BCO2: variants seen among roughly 807,000 people sequenced by gnomAD.
BCO2 encodes carotenoid-cleaving dioxygenase, mitochondrial.
Under a neutral mutation model 65.8 loss-of-function variants are expected in BCO2, and 56 were observed. That is an observed-to-expected ratio of 0.85 (90% CI 0.69 to 1.06). The LOEUF is 1.06. BCO2 is among the 50% of genes least tolerant of loss of function. The pLI, the probability that BCO2 is intolerant of heterozygous loss-of-function variation, is 0.00. For missense variants in BCO2, 675 were observed against 698.5 expected, an observed-to-expected ratio of 0.97 and a Z score of 0.38; for synonymous variants, 233 against 242.3, an observed-to-expected ratio of 0.96 and a Z score of 0.36.
At chr11:112,200,935 A>G (rs527311463) in intron 7 of BCO2, among the ~76,000 whole-genome samples, 162 bp downstream of exon 7, 22 of 152,266 alleles carry the variant, frequency 1.4e-4, no homozygotes, top group African/African-American at 5.1e-4. Flanking sequence ...CTTATTAATT[A>G]GTACGATGGA....
rs764944224 is a variant in BCO2, at chr11:112,200,601, G to A, written c.866-12G>A. 3.1e-6 allele frequency: 5 copies of A among 1,590,924 alleles called. No individual in the cohort carries two copies. The highest frequency in any genetic ancestry group is 4.3e-6 in the Non-Finnish European group (5 of 1,171,688). The stretch of plus-strand genomic sequence containing the variant: ...CCAAATAACATTTTTATTGTTTGCT[G>A]GAACCTTTTAGGAATGACAAGGAAC... On this transcript the variant is annotated splice_polypyrimidine_tract_variant and intron_variant, in intron 6 of 11. Transcript: ENST00000357685.
chr11:112,214,307 C>T (rs188159104), intron 9 of BCO2, among the ~76,000 whole-genome samples: 71 of 152,176 alleles, frequency 4.7e-4, no homozygotes, highest in East Asian at 3.9e-4. Flanking sequence ...TCACCACGCC[C>T]GGCTAATGTA....
chr11:112,214,635 T>C, intron 9 of BCO2, 127 bp from the exon 10 acceptor site: 1 of 662,520 alleles, frequency 1.5e-6, no homozygotes, highest in Non-Finnish European at 2.5e-6. Context: ...TATTAAAACA[T>C]GACATAGAAC....
In BCO2 at chr11:112,188,959, A is replaced by T. The variant is rs554419257; in HGVS notation, c.294-4515A>T. 5.3e-5 allele frequency among the ~76,000 whole-genome samples: 8 copies of T among 152,298 alleles called. No homozygotes were observed. The South Asian group carries it at 1.4e-3, about 28-fold the overall frequency. ...AGGTGAAATATATTAAGTAGCAAAA[A>T]TTCTTGAAATTATTGTAAGTTTTTT... On this transcript the variant is annotated intron_variant, in intron 2 of 11. Coordinates refer to ENST00000357685, the MANE Select transcript of BCO2 (RefSeq NM_031938.7).
chr11:112,208,555 T>C lies in BCO2; in HGVS notation c.1195-5169T>C, dbSNP rs1010706893. 3.3e-5 allele frequency: 6 copies of C among 179,196 alleles called. No individual in the cohort carries two copies. In the East Asian group the frequency reaches 1.0e-3, roughly 31 times the overall value. The allele number at this position is 179,196 out of a possible 1,614,324, so 11.1% of individuals were successfully genotyped here. A position where few individuals can be genotyped will look rare whatever the true frequency, so the allele number is the denominator to read the frequency against. ...TTTACCATGAAGCATGCTGTGGCTG[T>C]AGATTAAAAAAATATAATAGAAACT... On this transcript the variant is annotated intron_variant, in intron 8 of 11. Coordinates refer to ENST00000357685, the MANE Select transcript of BCO2 (RefSeq NM_031938.7).
chr11:112,200,511 C>T, intron 6 of BCO2, 102 bp from the exon 7 acceptor site: 1 of 992,662 alleles, frequency 1.0e-6, no homozygotes, highest in Non-Finnish European at 1.5e-6. Flanking sequence ...TTTAGGGCAT[C>T]AGTAACGTGT....
intron 5 of BCO2, among the ~76,000 whole-genome samples, chr11:112,196,331 A>G (rs1592850205): frequency 6.6e-6 from 1 of 152,142 alleles, no homozygotes; most frequent in Admixed American, 6.6e-5. Flanking sequence ...AGGCAACTGC[A>G]GGGAGCTTGA....
chr11:112,201,534 C>A lies in BCO2; in HGVS notation c.1027-489C>A, dbSNP rs546158886. Among the ~76,000 whole-genome samples the A allele has an allele frequency of 4.6e-5, 7 of 152,218 alleles. No individual in the cohort carries two copies. In the South Asian group the frequency reaches 1.5e-3, roughly 32 times the overall value. ...TGAATATCTTTTTATACTCCTGATT[C>A]ATAATGCTATTATATTTGCCTACTT... is the stretch of plus-strand genomic sequence containing the variant. On this transcript the variant is annotated intron_variant, in intron 7 of 11. Coordinates refer to ENST00000357685, the MANE Select transcript of BCO2 (RefSeq NM_031938.7).
At chr11:112,192,739 A>G (rs1475734747) in intron 2 of BCO2, among the ~76,000 whole-genome samples, 1 of 147,054 alleles carries the variant, frequency 6.8e-6, no homozygotes, top group African/African-American at 2.5e-5. Context: ...GTCTCAAGCA[A>G]TCCACCTGCC....
At chr11:112,206,284 G>C (rs1212908972) in intron 8 of BCO2, among the ~76,000 whole-genome samples, 1 of 150,166 alleles carries the variant, frequency 6.7e-6, no homozygotes, top group African/African-American at 2.5e-5. Context: ...GAGGGTGGGC[G>C]GCTGGGCAGA....
At chr11:112,194,483 G>A in intron 4 of BCO2, 170 bp from the exon 5 acceptor site, 1 of 543,336 alleles carries the variant, frequency 1.8e-6, no homozygotes, top group South Asian at 2.5e-5. Context: ...TTTTAATCTT[G>A]ATTTCTTTTT....
At chr11:112,201,994 T>G (rs951436756) in intron 7 of BCO2, 29 bp from the exon 8 acceptor site, 2 of 1,523,132 alleles carry the variant, frequency 1.3e-6, no homozygotes, top group African/African-American at 1.4e-5. Flanking sequence ...AAAAAAAATT[T>G]TTTTCATTGT....
intron 8 of BCO2, among the ~76,000 whole-genome samples, chr11:112,204,875 G>A (rs1867828714): frequency 6.6e-6 from 1 of 152,136 alleles, no homozygotes; most frequent in South Asian, 2.1e-4. Context: ...ATATTGGCCA[G>A]GCTGCTCTCG....
chr11:112,191,980 G>A (rs1272690008), intron 2 of BCO2, among the ~76,000 whole-genome samples: 1 of 152,092 alleles, frequency 6.6e-6, no homozygotes, highest in Non-Finnish European at 1.5e-5. Flanking sequence ...GTTAAGTAGT[G>A]TTAAGTATAT....
intron 8 of BCO2, among the ~76,000 whole-genome samples, chr11:112,208,316 A>G (rs1437649047): frequency 6.6e-6 from 1 of 152,122 alleles, no homozygotes; most frequent in Non-Finnish European, 1.5e-5. Context: ...AATTACACTT[A>G]CAAATTCTAA....
chr11:112,205,937 A>AT lies in BCO2; in HGVS notation c.1194+3753dup, dbSNP rs1281158399. Among the ~76,000 whole-genome samples, 52 of 152,078 alleles carry AT rather than the reference A, an allele frequency of 3.4e-4. 3 individuals are homozygous for AT. The highest frequency in any genetic ancestry group is 1.2e-3 in the African/African-American group (50 of 41,554). On this transcript the variant is annotated intron_variant, in intron 8 of 11. Transcript: ENST00000357685. Reference sequence around the variant, plus strand: ...AAATGACTGTTCAGGTCCATTGCCCATTTTTTATTTATTTTTAATTAATTA... The same window carrying AT: ...AAATGACTGTTCAGGTCCATTGCCCATTTTTTTATTTATTTTTAATTAATTA...
chr11:112,208,855 C>A, intron 8 of BCO2: 1 of 178,764 alleles, frequency 5.6e-6, no homozygotes, highest in Non-Finnish European at 1.2e-5. Flanking sequence ...AAACTTGTGT[C>A]TCAAGAAGAA....
chr11:112,192,926 T>TTTTTTTTTG (rs1867435735), intron 2 of BCO2, among the ~76,000 whole-genome samples: 2 of 6,032 alleles, frequency 3.3e-4, no homozygotes, highest in Non-Finnish European at 6.6e-4. Flanking sequence ...AAATGTGAGG[T>TTTTTTTTTG]TTTTTTTTTT....
intron 11 of BCO2, 71 bp downstream of exon 11, chr11:112,216,401 C>T (rs7938116): frequency 0.017 from 18,470 of 1,091,838 alleles, 766 homozygotes; most frequent in African/African-American, 0.15. Context: ...CAAGGATGCA[C>T]ACTCATCTGT....
Sources: gnomAD v4.1 joint callset for allele counts (sites outside exome capture counted in the v4.1 genomes callset) on GRCh38, gnomAD v4.1.1 for gene constraint, MANE v1.5 for transcripts, NCBI Gene and HGNC (gene_info 2026-07-23, HGNC 2026-07-21) for gene names.